L3MBTL4: variants seen among roughly 807,000 people sequenced by gnomAD.
The protein encoded by L3MBTL4 is lethal(3)malignant brain tumor-like protein 4.
In L3MBTL4, 70 loss-of-function variants were observed where a neutral mutation model predicts 84.5. The observed-to-expected ratio is 0.83, with a 90% confidence interval of 0.68 to 1.01. The LOEUF is 1.01. Among genes scored for constraint, L3MBTL4 ranks in the 50% least tolerant of loss-of-function variants. The pLI is 0.00. For missense variants in L3MBTL4, 715 were observed against 754.8 expected, an observed-to-expected ratio of 0.95 and a Z score of 0.62; for synonymous variants, 274 against 259.8, an observed-to-expected ratio of 1.05 and a Z score of -0.52.
At chr18:6,179,655 T>G (rs2044378636) in intron 12 of L3MBTL4, among the ~76,000 whole-genome samples, 1 of 152,204 alleles carries the variant, frequency 6.6e-6, no homozygotes, top group African/African-American at 2.4e-5. Context: ...CCAGGGATAG[T>G]TGTAATGTGT....
Position 6,065,044 on chromosome 18 carries a change from G to A in L3MBTL4, c.1444+15837C>T, listed in dbSNP as rs58169204. 3.6e-3 allele frequency among the ~76,000 whole-genome samples: 546 copies of A among 151,790 alleles called. 4 individuals are homozygous for A. The highest frequency in any genetic ancestry group is 7.3e-3 in the South Asian group (35 of 4,788). The stretch of plus-strand genomic sequence containing the variant: ...GCCCCTTCTATGTGTATTTTTTTGA[G>A]GGTTTTAGAATAAAGGGATGTTGAA... On this transcript the variant is annotated intron_variant, in intron 16 of 18. Coordinates refer to ENST00000317931, the MANE Select transcript of L3MBTL4 (RefSeq NM_001330559.2).
At chr18:5,993,545 GT>G (rs1555625147) in intron 16 of L3MBTL4, among the ~76,000 whole-genome samples, 4 of 143,120 alleles carry the variant, frequency 2.8e-5, no homozygotes, top group East Asian at 2.3e-4. Context: ...TCTAGAGCAA[GT>G]TTTTTTTCCC....
intron 12 of L3MBTL4, among the ~76,000 whole-genome samples, chr18:6,176,816 A>C (rs1325182964): frequency 6.6e-6 from 1 of 152,224 alleles, no homozygotes; most frequent in Non-Finnish European, 1.5e-5. Context: ...CAAAAAATTC[A>C]ATGTAAAAAA....
At chr18:6,388,000 A>T (rs537735492) in intron 1 of L3MBTL4, among the ~76,000 whole-genome samples, 1 of 152,290 alleles carries the variant, frequency 6.6e-6, no homozygotes, top group East Asian at 1.9e-4. Context: ...ATAGCCAGTA[A>T]TTAGGTAAAA....
chr18:6,240,192 A>G (rs2047395461), intron 8 of L3MBTL4, among the ~76,000 whole-genome samples: 4 of 152,204 alleles, frequency 2.6e-5, no homozygotes, highest in East Asian at 1.9e-4. Context: ...TATGATGTTT[A>G]CTGAACACAA....
intron 12 of L3MBTL4, among the ~76,000 whole-genome samples, chr18:6,205,121 T>A (rs2045816948): frequency 6.6e-6 from 1 of 152,166 alleles, no homozygotes; most frequent in Non-Finnish European, 1.5e-5. Flanking sequence ...AGACGAGGGA[T>A]CGTCCTGGAT....
intron 15 of L3MBTL4, among the ~76,000 whole-genome samples, chr18:6,083,175 G>C (rs1436608521): frequency 6.6e-6 from 1 of 152,204 alleles, no homozygotes; most frequent in Non-Finnish European, 1.5e-5. Flanking sequence ...ATAGCGTACA[G>C]TTTACTGATT....
At chr18:6,362,080 G>C (rs1173331058) in intron 1 of L3MBTL4, among the ~76,000 whole-genome samples, 2 of 148,456 alleles carry the variant, frequency 1.3e-5, no homozygotes, top group Non-Finnish European at 3.0e-5. Flanking sequence ...CTGTACTCCA[G>C]CCTCGGTGAC....
At chr18:6,124,706 T>C (rs1366650168) in intron 14 of L3MBTL4, among the ~76,000 whole-genome samples, 1 of 151,908 alleles carries the variant, frequency 6.6e-6, no homozygotes, top group African/African-American at 2.4e-5. Flanking sequence ...TCAAAACAAC[T>C]CTTGAAGTGT....
At chr18:6,161,185 T>C (rs2043322766) in intron 13 of L3MBTL4, among the ~76,000 whole-genome samples, 1 of 152,198 alleles carries the variant, frequency 6.6e-6, no homozygotes, top group South Asian at 2.1e-4. Context: ...TGAGGGACTC[T>C]ATGTCAAATA....
At chr18:6,122,233 C>A (rs185438548) in intron 14 of L3MBTL4, among the ~76,000 whole-genome samples, 7 of 152,056 alleles carry the variant, frequency 4.6e-5, no homozygotes, top group African/African-American at 7.2e-5. Context: ...TTAACTTGTA[C>A]AATAGACACT....
chr18:5,965,365 G>T (rs1198824659), intron 17 of L3MBTL4, among the ~76,000 whole-genome samples: 1 of 152,198 alleles, frequency 6.6e-6, no homozygotes, highest in East Asian at 1.9e-4. Flanking sequence ...AGATAAAGAG[G>T]CTGTGCTTTC....
At chr18:6,235,951 TA>T (rs2146051552) in intron 10 of L3MBTL4, among the ~76,000 whole-genome samples, 1 of 152,276 alleles carries the variant, frequency 6.6e-6, no homozygotes, top group Non-Finnish European at 1.5e-5. Context: ...AAAAGGCCTT[TA>T]TAAATGGAAA....
At chr18:6,304,553 G>C (rs1209283419) in intron 3 of L3MBTL4, among the ~76,000 whole-genome samples, 5 of 152,216 alleles carry the variant, frequency 3.3e-5, no homozygotes, top group African/African-American at 1.2e-4. Context: ...CCCAGCAGAT[G>C]CTACTGCCAA....
At chr18:6,217,645 A>G (rs1007442563) in intron 10 of L3MBTL4, among the ~76,000 whole-genome samples, 4 of 152,184 alleles carry the variant, frequency 2.6e-5, no homozygotes, top group African/African-American at 9.7e-5. Flanking sequence ...TGCATCCAGG[A>G]GTAACACTGC....
At chr18:6,319,028 A>C (rs2147032825) in intron 1 of L3MBTL4, among the ~76,000 whole-genome samples, 1 of 152,310 alleles carries the variant, frequency 6.6e-6, no homozygotes, top group East Asian at 1.9e-4. Flanking sequence ...CCCATGAATT[A>C]TTTTGGGGTT....
intron 1 of L3MBTL4, among the ~76,000 whole-genome samples, chr18:6,387,914 C>T (rs898722016): frequency 6.6e-6 from 1 of 152,024 alleles, no homozygotes; most frequent in African/African-American, 2.4e-5. Flanking sequence ...CAAACGTCAA[C>T]AAAAAGTGTA....
rs138832119 is a variant in L3MBTL4, at chr18:6,011,521, A to C, written c.1445-41959T>G. On this transcript the variant is annotated intron_variant, in intron 16 of 18. Coordinates refer to ENST00000317931, the MANE Select transcript of L3MBTL4 (RefSeq NM_001330559.2). Reference sequence around the variant, plus strand: ...AGTATTCTGACTGAGCCCCATCTGAATTTTTATTTACCCATTCTAATATTT... The same window carrying C: ...AGTATTCTGACTGAGCCCCATCTGACTTTTTATTTACCCATTCTAATATTT... Among the ~76,000 whole-genome samples the C allele has an allele frequency of 2.6e-5, 4 of 152,246 alleles. No individual in the cohort carries two copies. In the East Asian group the frequency reaches 7.7e-4, roughly 29 times the overall value.
chr18:5,984,084 G>A (rs962685246), intron 16 of L3MBTL4, among the ~76,000 whole-genome samples: 1 of 152,024 alleles, frequency 6.6e-6, no homozygotes, highest in Non-Finnish European at 1.5e-5. Flanking sequence ...AGTAAGTTTT[G>A]TATTTTTAGT....
Sources: gnomAD v4.1 joint callset for allele counts (sites outside exome capture counted in the v4.1 genomes callset) on GRCh38, gnomAD v4.1.1 for gene constraint, MANE v1.5 for transcripts, NCBI Gene and HGNC (gene_info 2026-07-23, HGNC 2026-07-21) for gene names.